Variants in GPHN observed in about 807,000 individuals in gnomAD.
GPHN encodes gephyrin.
In GPHN, 17 loss-of-function variants were observed where a neutral mutation model predicts 95.5. The observed-to-expected ratio is 0.18, with a 90% CI of 0.12 to 0.27. GPHN has a LOEUF of 0.27. Among genes scored for constraint, GPHN ranks in the 10% least tolerant of loss-of-function variants. The probability of loss-of-function intolerance (pLI) is 1.00; values close to 1 mark genes in which losing one functional copy is unlikely to be tolerated. For missense variants in GPHN, 660 were observed against 978.1 expected, an observed-to-expected ratio of 0.67 and a Z score of 4.34; for synonymous variants, 320 against 322.5, an observed-to-expected ratio of 0.99 and a Z score of 0.08.
At chr14:67,339,341 G>A in the GPHN span, among the ~76,000 whole-genome samples, 1 of 152,024 alleles carries the variant, frequency 6.6e-6, no homozygotes, top group African/African-American at 2.4e-5. Context: ...TTCTCGAATG[G>A]AACAGATTTT....
intron 4 of GPHN, among the ~76,000 whole-genome samples, chr14:66,855,589 T>C (rs2062769143): frequency 6.6e-6 from 1 of 152,188 alleles, no homozygotes; most frequent in African/African-American, 2.4e-5. Context: ...GTTGTGAACA[T>C]TGGCAAACAA....
intron 8 of GPHN, among the ~76,000 whole-genome samples, chr14:66,926,425 A>G (rs1037510966): frequency 1.3e-5 from 2 of 152,086 alleles, no homozygotes; most frequent in Admixed American, 1.3e-4. Flanking sequence ...TTGATTTTTT[A>G]TATATGGCAA....
At chr14:67,568,706 A>C in the GPHN span, among the ~76,000 whole-genome samples, 1 of 152,172 alleles carries the variant, frequency 6.6e-6, no homozygotes, top group Non-Finnish European at 1.5e-5. Flanking sequence ...GTGTGGCCGC[A>C]GTGGCTTCCT....
the GPHN span, among the ~76,000 whole-genome samples, chr14:67,444,364 G>T: frequency 6.6e-6 from 1 of 152,214 alleles, no homozygotes; most frequent in East Asian, 1.9e-4. Flanking sequence ...CTTTTCAGTG[G>T]AGGAGAGTGG....
intron 8 of GPHN, among the ~76,000 whole-genome samples, chr14:66,929,397 TG>T (rs2066659451): frequency 6.6e-6 from 1 of 152,098 alleles, no homozygotes; most frequent in Non-Finnish European, 1.5e-5. Flanking sequence ...ATGTTTAAAG[TG>T]GGGTGTTGAA....
chr14:66,640,753 G>A (rs1309022998), intron 1 of GPHN, among the ~76,000 whole-genome samples: 3 of 152,130 alleles, frequency 2.0e-5, no homozygotes, highest in Non-Finnish European at 4.4e-5. Flanking sequence ...GTAGCTGGTA[G>A]CAAATTAGTA....
At chr14:67,024,870 G>A (rs1229867533) in intron 10 of GPHN, among the ~76,000 whole-genome samples, 1 of 151,986 alleles carries the variant, frequency 6.6e-6, no homozygotes, top group Non-Finnish European at 1.5e-5. Context: ...AAATTCATGG[G>A]GTTTTTTTGT....
downstream of GPHN, among the ~76,000 whole-genome samples, chr14:67,182,521 G>A (rs1207438587): frequency 6.6e-6 from 1 of 152,068 alleles, no homozygotes; most frequent in Non-Finnish European, 1.5e-5. Context: ...AGAAGATAAG[G>A]TTAGTTAATA....
At chr14:67,225,970 CGCGCGTGCGCAT>C in the GPHN span, among the ~76,000 whole-genome samples, 798 of 104,866 alleles carry the variant, frequency 7.6e-3, 4 homozygotes, top group African/African-American at 0.019. Flanking sequence ...TGTGCGCGCG[CGCGCGTGCGCAT>C]GCGCGTGCAT....
chr14:67,466,514 A>G, the GPHN span, among the ~76,000 whole-genome samples: 1 of 152,204 alleles, frequency 6.6e-6, no homozygotes, highest in African/African-American at 2.4e-5. Context: ...TCCTAGCTTC[A>G]AGTTCCCAAA....
intron 17 of GPHN, among the ~76,000 whole-genome samples, chr14:67,131,554 C>A (rs893871675): frequency 6.6e-6 from 1 of 152,144 alleles, no homozygotes; most frequent in African/African-American, 2.4e-5. Flanking sequence ...AAGTATGGTA[C>A]TGACAGTAGA....
the GPHN span, among the ~76,000 whole-genome samples, chr14:67,711,104 C>T: frequency 5.1e-4 from 77 of 152,260 alleles, no homozygotes; most frequent in South Asian, 2.7e-3. Context: ...GAAACAAAGA[C>T]GATAACAAAC....
At chr14:66,674,973 G>A (rs2066502820) in intron 1 of GPHN, among the ~76,000 whole-genome samples, 1 of 152,062 alleles carries the variant, frequency 6.6e-6, no homozygotes, top group Non-Finnish European at 1.5e-5. Context: ...GTCGTCACCA[G>A]CATATGTTAT....
intron 4 of GPHN, among the ~76,000 whole-genome samples, chr14:66,840,824 A>G (rs955523117): frequency 2.6e-5 from 4 of 150,960 alleles, no homozygotes; most frequent in East Asian, 3.9e-4. Flanking sequence ...TTCCTATTCT[A>G]TAGTACACTG....
the GPHN span, among the ~76,000 whole-genome samples, chr14:67,193,067 T>G: frequency 1.4e-5 from 2 of 145,186 alleles, no homozygotes; most frequent in Non-Finnish European, 1.5e-5. Context: ...TCTATATCTA[T>G]ATATATCCAT....
the GPHN span, chr14:67,690,956 G>A: frequency 2.0e-5 from 12 of 595,516 alleles, no homozygotes; most frequent in Middle Eastern, 6.2e-4. Flanking sequence ...ATTAAAAAGC[G>A]GGCAGAACCT....
the GPHN span, among the ~76,000 whole-genome samples, chr14:67,394,565 T>C: frequency 5.9e-5 from 9 of 151,910 alleles, no homozygotes; most frequent in Non-Finnish European, 1.0e-4. Context: ...CCTAGACCCA[T>C]AGGAGGTGTA....
At chr14:66,986,852 C>T (rs1165185767) in intron 9 of GPHN, among the ~76,000 whole-genome samples, 1 of 152,142 alleles carries the variant, frequency 6.6e-6, no homozygotes, top group Non-Finnish European at 1.5e-5. Flanking sequence ...TGCACTCTTT[C>T]CTCTCCTTGC....
At chr14:67,367,262 C>T in the GPHN span, among the ~76,000 whole-genome samples, 7 of 152,182 alleles carry the variant, frequency 4.6e-5, no homozygotes, top group African/African-American at 9.6e-5. Context: ...GATGGAGTCT[C>T]ACTCTGTCGC....
Sources: gnomAD v4.1 joint callset for allele counts (sites outside exome capture counted in the v4.1 genomes callset) on GRCh38, gnomAD v4.1.1 for gene constraint, MANE v1.5 for transcripts, NCBI Gene and HGNC (gene_info 2026-07-23, HGNC 2026-07-21) for gene names.